The following GPHN variants were observed in gnomAD, a reference collection of about 807,000 sequenced individuals.
GPHN encodes gephyrin.
In GPHN, 17 loss-of-function variants were observed where a neutral mutation model predicts 95.5. The ratio of observed to expected loss-of-function variants is 0.18; its 90% CI spans 0.12 to 0.27. The LOEUF (loss-of-function observed/expected upper bound fraction) is 0.27, where lower values mean the gene tolerates loss of function less well. Among genes scored for constraint, GPHN ranks in the 10% least tolerant of loss-of-function variants. The pLI is 1.00. For missense variants in GPHN, 660 were observed against 978.1 expected (o/e 0.67, Z 4.34); for synonymous variants, 320 against 322.5 (o/e 0.99, Z 0.08).
At chr14:67,109,992 G>C (rs2078274245) in intron 13 of GPHN, 148 bp from the exon 14 acceptor site, 1 of 682,714 alleles carries the variant, frequency 1.5e-6, no homozygotes, top group African/African-American at 1.8e-5. Context: ...TTTGTGGATA[G>C]CTTTTATTAC....
At position 66,610,947 on chromosome 14, in the gene GPHN, C is replaced by T. The variant is rs141325093; in HGVS notation, c.65-70160C>T. Among the ~76,000 whole-genome samples, 55 of 152,120 alleles carry T rather than the reference C, an allele frequency of 3.6e-4. No individual in the cohort carries two copies. The East Asian group carries it at 5.2e-3, about 14-fold the overall frequency. On this transcript the variant is annotated intron_variant, in intron 1 of 22. Coordinates refer to ENST00000478722, the MANE Select transcript of GPHN (RefSeq NM_020806.5). The stretch of plus-strand genomic sequence containing the variant: ...GGAATGAAGAATGCAATTAGATATC[C>T]AGGGTGATCAGTTATCAATGTTTTT...
At chr14:66,805,883 A>T (rs948518989) in intron 3 of GPHN, among the ~76,000 whole-genome samples, 4 of 152,040 alleles carry the variant, frequency 2.6e-5, no homozygotes, top group Non-Finnish European at 5.9e-5. Flanking sequence ...TGGATCTATC[A>T]TTCTGGGGTC....
chr14:66,805,484 G>C (rs2060509387), intron 3 of GPHN, among the ~76,000 whole-genome samples: 1 of 152,082 alleles, frequency 6.6e-6, no homozygotes, highest in African/African-American at 2.4e-5. Flanking sequence ...GAAATCCACA[G>C]TCCAAAGTCT....
chr14:66,936,814 A>G (rs2067155001), intron 8 of GPHN, among the ~76,000 whole-genome samples: 1 of 152,238 alleles, frequency 6.6e-6, no homozygotes, highest in African/African-American at 2.4e-5. Context: ...TGTGCAAGAT[A>G]TACAGGCCAA....
At chr14:67,510,719 T>C in the GPHN span, among the ~76,000 whole-genome samples, 6 of 152,092 alleles carry the variant, frequency 3.9e-5, no homozygotes, top group Non-Finnish European at 5.9e-5. Context: ...GCCTTTTTGA[T>C]TGGGAACAAG....
the GPHN span, chr14:67,364,668 T>C: frequency 8.1e-7 from 1 of 1,237,292 alleles, no homozygotes; most frequent in Non-Finnish European, 1.1e-6. Context: ...AACTATTTTT[T>C]TCTTCATCTT....
chr14:67,032,532 C>T (rs2074238233), intron 10 of GPHN, among the ~76,000 whole-genome samples: 1 of 152,070 alleles, frequency 6.6e-6, no homozygotes. Flanking sequence ...AGCTGGTGTA[C>T]TTTGGATGTC....
intron 3 of GPHN, among the ~76,000 whole-genome samples, chr14:66,778,310 C>T (rs2059462681): frequency 6.6e-6 from 1 of 152,154 alleles, no homozygotes; most frequent in Non-Finnish European, 1.5e-5. Flanking sequence ...AACCACTGCT[C>T]AGTGAAATAG....
chr14:66,891,762 ATT>A (rs75592829), intron 5 of GPHN, among the ~76,000 whole-genome samples: 6,671 of 150,836 alleles, frequency 0.044, 188 homozygotes, highest in Middle Eastern at 0.068. Context: ...ATATATATAT[ATT>A]TTTTTTAATT....
At chr14:67,341,797 G>A in the GPHN span, among the ~76,000 whole-genome samples, 66 of 152,380 alleles carry the variant, frequency 4.3e-4, 1 homozygote, top group East Asian at 0.011. Context: ...TGTCTGTGTA[G>A]AAAGAAGTAG....
rs1296417482 is a variant in GPHN, at chr14:66,719,012, C to T, written c.143+37827C>T. On this transcript the variant is annotated intron_variant, in intron 2 of 22. Coordinates refer to ENST00000478722, the MANE Select transcript of GPHN (RefSeq NM_020806.5). ...GGAAAGCCGGCAGTCACAGGCCTCA[C>T]CCAGCTCCCACGCAATCCACAGGGG... 2.0e-5 allele frequency among the ~76,000 whole-genome samples: 3 copies of T among 152,262 alleles called. No homozygotes were observed. The East Asian group carries it at 5.8e-4, about 29-fold the overall frequency.
chr14:67,393,720 C>G, the GPHN span, among the ~76,000 whole-genome samples: 3 of 152,108 alleles, frequency 2.0e-5, no homozygotes, highest in Non-Finnish European at 4.4e-5. Flanking sequence ...TCCGAAAGTA[C>G]TGGGATTACA....
At chr14:66,721,859 G>A (rs887918795) in intron 2 of GPHN, among the ~76,000 whole-genome samples, 3 of 150,148 alleles carry the variant, frequency 2.0e-5, no homozygotes, top group Admixed American at 6.7e-5. Context: ...GCTGAGGCAG[G>A]AGAATTGCTT....
the GPHN span, among the ~76,000 whole-genome samples, chr14:67,426,584 G>A: frequency 6.6e-6 from 1 of 151,800 alleles, no homozygotes; most frequent in South Asian, 2.1e-4. Context: ...GTTTTGTTTT[G>A]TTTTTTTTGA....
the GPHN span, chr14:67,376,337 T>G: frequency 2.6e-6 from 3 of 1,156,980 alleles, no homozygotes; most frequent in Admixed American, 2.8e-5. Flanking sequence ...CTTTTATTGT[T>G]AAGGAATTAT....
At chr14:66,742,522 G>A (rs1237812969) in intron 2 of GPHN, among the ~76,000 whole-genome samples, 1 of 152,024 alleles carries the variant, frequency 6.6e-6, no homozygotes, top group Admixed American at 6.6e-5. Flanking sequence ...TTTTTTCACT[G>A]TTCAATATCC....
At chr14:67,366,560 A>C in the GPHN span, among the ~76,000 whole-genome samples, 1 of 152,352 alleles carries the variant, frequency 6.6e-6, no homozygotes, top group South Asian at 2.1e-4. Flanking sequence ...TGGTTAAATA[A>C]ATCAGTACAA....
At chr14:67,593,945 A>G in the GPHN span, 6 of 1,608,860 alleles carry the variant, frequency 3.7e-6, no homozygotes, top group African/African-American at 8.0e-5. Context: ...AGAGAGGATC[A>G]TGCTGTTCTG....
In GPHN at chr14:67,029,988, CTTT is replaced by C. The variant is rs10561726; in HGVS notation, c.1006+6328_1006+6330del. Reference sequence around the variant, plus strand: ...ATTTTCTCCAGCTTCTTTGGTAGCTCTTTTTTTTTTTTTTTTTGGCCCAGTCAT... The same window carrying C: ...ATTTTCTCCAGCTTCTTTGGTAGCTCTTTTTTTTTTTTTTGGCCCAGTCAT... On this transcript the variant is annotated intron_variant, in intron 10 of 22. Transcript: ENST00000478722. 2.5e-3 allele frequency among the ~76,000 whole-genome samples: 323 copies of C among 129,872 alleles called. 10 individuals carry two copies. The East Asian group carries it at 0.03, about 12-fold the overall frequency. The allele number at this position is 129,872 out of a possible 152,430, so 85.2% of individuals were successfully genotyped here. A position where few individuals can be genotyped will look rare whatever the true frequency, so the allele number is the denominator to read the frequency against.
Sources: allele counts gnomAD v4.1 joint callset (sites outside exome capture counted in the v4.1 genomes callset), GRCh38; gene constraint gnomAD v4.1.1; transcripts MANE v1.5; gene names NCBI Gene and HGNC (gene_info 2026-07-23, HGNC 2026-07-21).